The following FYB2 variants were observed in gnomAD, a reference collection of about 807,000 sequenced individuals.
FYB2 encodes the protein FYN-binding protein 2.
FYB2 carries 103 observed loss-of-function variants against 94.1 expected under a neutral mutation model. The ratio of observed to expected loss-of-function variants is 1.09; its 90% CI spans 0.93 to 1.29. FYB2 has a LOEUF of 1.29. FYB2 is among the 50% of genes most tolerant of loss of function. The pLI is 0.00. For missense variants in FYB2, 896 were observed against 841.5 expected, an observed-to-expected ratio of 1.06 and a Z score of -0.80; for synonymous variants, 293 against 287.9, an observed-to-expected ratio of 1.02 and a Z score of -0.18.
chr1:56,798,089 T>A (rs999248015), intron 1 of FYB2, among the ~76,000 whole-genome samples: 13 of 152,192 alleles, frequency 8.5e-5, no homozygotes, highest in African/African-American at 3.1e-4. Flanking sequence ...ACCCACGAAA[T>A]CCTTGGTGAA....
At position 56,779,441 on chromosome 1, in the gene FYB2, T is replaced by C. The variant is rs547851888; in HGVS notation, c.953+7734A>G. Among the ~76,000 whole-genome samples, 96 of 152,274 alleles carry C rather than the reference T, an allele frequency of 6.3e-4. 1 individual carries two copies. Among genetic ancestry groups the C allele is most frequent in the African/African-American group, 2.2e-3 (93 of 41,588 alleles). Reference sequence around the variant, plus strand: ...AAGGAGCAAAGGAAAGAGGATCTCATGTGAGTCCCCGCTCTCACATGGCAG... The same window carrying C: ...AAGGAGCAAAGGAAAGAGGATCTCACGTGAGTCCCCGCTCTCACATGGCAG... On this transcript the variant is annotated intron_variant, in intron 4 of 19. Coordinates refer to ENST00000343433, the MANE Select transcript of FYB2 (RefSeq NM_001004303.5).
At chr1:56,766,233 G>A (rs749438523) in intron 5 of FYB2, among the ~76,000 whole-genome samples, 2 of 152,098 alleles carry the variant, frequency 1.3e-5, no homozygotes, top group Non-Finnish European at 2.9e-5. Context: ...TTGTATGAAC[G>A]CTAGAAATTG....
At chr1:56,819,448 C>T (rs1570278218), upstream of FYB2, 8 of 1,046,548 alleles carry the variant, frequency 7.6e-6, no homozygotes, top group South Asian at 3.0e-5. Flanking sequence ...CCATCTGGGC[C>T]GAGGCTCCTC....
rs752102153 is a variant in FYB2 at position 56,806,991 on chromosome 1, A to G, written c.9+12291T>C. 3.9e-5 allele frequency among the ~76,000 whole-genome samples: 6 copies of G among 152,246 alleles called. No individual in the cohort carries two copies. The East Asian group carries it at 5.8e-4, about 15-fold the overall frequency. ...ACATGCCAAGTCCTCCAACAACCCA[A>G]TTACAGCCCATCCCTGATTACATGC... is the stretch of plus-strand genomic sequence containing the variant. On this transcript the variant is annotated intron_variant, in intron 1 of 19. Transcript: ENST00000343433.
chr1:56,744,172 G>A lies in FYB2; in HGVS notation c.1482C>T (p.Val494=), dbSNP rs375454405. ...SSISEEIYDD[V]EYSRKEVPKL... is the part of the protein sequence containing the mutation. ...CTTACACCTCTTTCCTGGAGTACTC[G>A]ACATCATCATATATCTCCTCCGAGA... Residue 494 remains valine (V), a synonymous_variant, in exon 10 of 20, where the codon GTC becomes GTT. Transcript: ENST00000343433. 49 of 1,612,204 alleles carry A rather than the reference G, an allele frequency of 3.0e-5. No homozygotes were observed. The highest frequency in any genetic ancestry group is 1.6e-4 in the Middle Eastern group (1 of 6,076).
intron 9 of FYB2, among the ~76,000 whole-genome samples, chr1:56,746,067 C>A (rs985151857): frequency 6.7e-6 from 1 of 148,170 alleles, no homozygotes; most frequent in Admixed American, 6.7e-5. Flanking sequence ...CTTTAATTCT[C>A]TTAGCTTGCT....
chr1:56,763,022 C>A (rs1393866043), intron 5 of FYB2, among the ~76,000 whole-genome samples: 1 of 152,084 alleles, frequency 6.6e-6, no homozygotes, highest in African/African-American at 2.4e-5. Context: ...CTTTATCCTG[C>A]CAATATGGTG....
chr1:56,743,581 AAAG>A (rs1240827703), intron 11 of FYB2, among the ~76,000 whole-genome samples: 1 of 152,050 alleles, frequency 6.6e-6, no homozygotes, highest in African/African-American at 2.4e-5. Flanking sequence ...ATACAAGCTA[AAAG>A]AAGGTCAGCA....
At chr1:56,778,040 A>G (rs1009678028) in intron 4 of FYB2, among the ~76,000 whole-genome samples, 4 of 152,078 alleles carry the variant, frequency 2.6e-5, no homozygotes, top group African/African-American at 9.7e-5. Flanking sequence ...CTGTACTACC[A>G]TTCTCTTCCT....
chr1:56,808,301 A>G (rs937305092), intron 1 of FYB2, among the ~76,000 whole-genome samples: 2 of 152,168 alleles, frequency 1.3e-5, no homozygotes, highest in Non-Finnish European at 2.9e-5. Context: ...TCTTTCTAGT[A>G]TACTCCTACA....
At chr1:56,818,136 C>T (rs1023906363) in intron 1 of FYB2, among the ~76,000 whole-genome samples, 3 of 152,074 alleles carry the variant, frequency 2.0e-5, no homozygotes, top group African/African-American at 7.2e-5. Flanking sequence ...GGCACTTTCC[C>T]GTCAAGGAGG....
At chr1:56,723,822 GTC>G in intron 16 of FYB2, 141 bp from the exon 17 acceptor site, 1 of 580,224 alleles carries the variant, frequency 1.7e-6, no homozygotes, top group Admixed American at 3.5e-5. Context: ...AATACACAAA[GTC>G]ACGCATCTGT....
upstream of FYB2, chr1:56,819,578 C>G: frequency 1.8e-6 from 1 of 559,452 alleles, no homozygotes; most frequent in Non-Finnish European, 3.2e-6. Flanking sequence ...CTCTTCTCAG[C>G]AAGCGGCTCT....
chr1:56,785,005 G>A (rs536705724), intron 4 of FYB2, among the ~76,000 whole-genome samples: 4 of 152,052 alleles, frequency 2.6e-5, no homozygotes, highest in Admixed American at 6.6e-5. Flanking sequence ...CTCTTTCAGC[G>A]CTATGGCCCA....
intron 15 of FYB2, among the ~76,000 whole-genome samples, chr1:56,731,380 A>G (rs114703278): frequency 0.018 from 2,765 of 152,164 alleles, 70 homozygotes; most frequent in African/African-American, 0.062. Flanking sequence ...GGGTCCCACT[A>G]TGTTGCCCAG....
rs189310120 is a variant in FYB2 at position 56,741,178 on chromosome 1, C to A, written c.1605-383G>T. On this transcript the variant is annotated intron_variant, in intron 12 of 19. Coordinates refer to ENST00000343433, the MANE Select transcript of FYB2 (RefSeq NM_001004303.5). ...AAAACACATCTCACTCAAGAAAGAG[C>A]AAGAAGATGCCTTATTGAGTTCTAT... Among the ~76,000 whole-genome samples, 42 of 152,146 alleles carry A rather than the reference C, an allele frequency of 2.8e-4. 1 individual carries two copies. The highest frequency in any genetic ancestry group is 2.6e-3 in the Admixed American group (39 of 15,262).
intron 3 of FYB2, among the ~76,000 whole-genome samples, chr1:56,788,062 G>A (rs954099939): frequency 3.3e-5 from 5 of 152,184 alleles, no homozygotes; most frequent in African/African-American, 1.2e-4. Context: ...TTGTTAAAAG[G>A]CAAATTATCA....
In FYB2 at chr1:56,792,783, C is replaced by T. The variant is rs773017954; in HGVS notation, c.30G>A (p.Lys10=). Residue 10 remains lysine, a synonymous_variant, in exon 2 of 20, where the codon AAG becomes AAA. Coordinates refer to ENST00000343433, the MANE Select transcript of FYB2 (RefSeq NM_001004303.5). Reference sequence around the variant, plus strand: ...GATTTTGAAATTTGGCTCGAAGTTCCTTGAAGTTTCTTACCCCTTCCTAAG... The same window carrying T: ...GATTTTGAAATTTGGCTCGAAGTTCTTTGAAGTTTCTTACCCCTTCCTAAG... MEGEGVRNF[K]ELRAKFQNLD... is the part of the protein sequence containing the mutation. 41 of 1,612,072 alleles carry T rather than the reference C, an allele frequency of 2.5e-5. 1 individual carries two copies.
intron 5 of FYB2, among the ~76,000 whole-genome samples, chr1:56,764,243 C>T (rs765177450): frequency 3.9e-5 from 6 of 152,134 alleles, no homozygotes; most frequent in East Asian, 3.9e-4. Flanking sequence ...TGTGAGGCAC[C>T]GCTCCTGACC....
Sources: allele counts gnomAD v4.1 joint callset (sites outside exome capture counted in the v4.1 genomes callset), GRCh38; gene constraint gnomAD v4.1.1; transcripts MANE v1.5; gene names NCBI Gene and HGNC (gene_info 2026-07-23, HGNC 2026-07-21).